The following UBXN6 variants were observed in gnomAD, a reference collection of about 807,000 sequenced individuals.
The protein encoded by UBXN6 is UBX domain-containing protein 6.
A neutral mutation model predicts 51.4 loss-of-function variants in UBXN6; 44 were observed. The ratio of observed to expected loss-of-function variants is 0.86; its 90% confidence interval spans 0.67 to 1.10. The LOEUF is 1.10. Among genes scored for constraint, UBXN6 ranks in the 50% least tolerant of loss-of-function variants. The pLI is 0.00. For synonymous variants in UBXN6, 316 were observed against 263.2 expected (o/e 1.20, Z -1.94); for missense variants, 672 against 596.1 (o/e 1.13, Z -1.32).
chr19:4,445,986 G>T, intron 10 of UBXN6, 63 bp downstream of exon 10: 1 of 1,538,006 alleles, frequency 6.5e-7, no homozygotes. Flanking sequence ...GGGTGTCTGT[G>T]CCGGTCCCAG....
At chr19:4,454,405 A>G (rs1974708569) in intron 1 of UBXN6, among the ~76,000 whole-genome samples, 2 of 152,150 alleles carry the variant, frequency 1.3e-5, no homozygotes, top group South Asian at 4.1e-4. Context: ...CCTGAGGTGA[A>G]GGCACCTTGA....
In UBXN6 at chr19:4,454,043, C is replaced by T. The variant is rs576544561; in HGVS notation, c.134G>A (p.Arg45His). ...CTGTGCCTCATTGGTGGGTCCCTGG[C>T]GGGGCGGCCTGGGGGCTGGCTGGTT... is the stretch of plus-strand genomic sequence containing the variant. Reference protein sequence around the residue: ...KPNQPAPRPPRQGPTNEAQMA... With the variant: ...KPNQPAPRPPHQGPTNEAQMA... Residue 45 changes from arginine (R) to histidine (H), a missense_variant, in exon 2 of 11, where the codon CGC becomes CAC. Arg to His is a conservative substitution (Grantham distance 29). Coordinates refer to ENST00000301281, the MANE Select transcript of UBXN6 (RefSeq NM_025241.3). 7.9e-5 allele frequency: 125 copies of T among 1,589,146 alleles called. No individual in the cohort carries two copies. In the South Asian group the frequency reaches 9.5e-4, roughly 12 times the overall value.
At chr19:4,455,815 C>A (rs1283854537) in intron 1 of UBXN6, among the ~76,000 whole-genome samples, 1 of 152,126 alleles carries the variant, frequency 6.6e-6, no homozygotes, top group Non-Finnish European at 1.5e-5. Context: ...GCAGATTTCC[C>A]CACAGCTGAG....
At chr19:4,445,767 C>T (rs527857170) in intron 10 of UBXN6, 144 bp from the exon 11 acceptor site, 4 of 1,350,262 alleles carry the variant, frequency 3.0e-6, no homozygotes, top group South Asian at 2.8e-5. Flanking sequence ...CCCAGGCCTC[C>T]TGCCCTCTCC....
chr19:4,455,108 C>T, intron 1 of UBXN6: 1 of 680,328 alleles, frequency 1.5e-6, no homozygotes, highest in Non-Finnish European at 1.8e-6. Context: ...AGTTCCGTAA[C>T]CCACGTGGCA....
At position 4,446,871 on chromosome 19, in the gene UBXN6, C is replaced by T. The variant is rs1974542760; in HGVS notation, c.665G>A (p.Gly222Glu). The change falls in exon 7 of 11, where the codon GGG (glycine) becomes GAG (glutamate). Residue 222 changes from glycine (G) to glutamate (E), a missense_variant. Gly to Glu is a moderately conservative substitution (Grantham distance 98). Transcript: ENST00000301281. ...EGTHEFFEAI[G>E]FQKVLLPAQD... is the part of the protein sequence containing the mutation. ...GGCGGGAAGCAACACCTTCTGGAAC[C>T]CAATGGCCTCAAAAAACTCGTGGGT... 6.2e-7 allele frequency: 1 copy of T among 1,613,956 alleles called. No homozygotes were observed. The highest frequency in any genetic ancestry group is 1.1e-5 in the South Asian group (1 of 91,094).
At position 4,446,030 on chromosome 19, in the gene UBXN6, C is replaced by T. The variant is rs1315794413; in HGVS notation, c.1200+19G>A. The T allele has an allele frequency of 6.3e-7, 1 of 1,599,936 alleles. No individual in the cohort carries two copies. Among genetic ancestry groups the T allele is most frequent in the South Asian group, 1.1e-5 (1 of 88,998 alleles). ...GCAGAGGCATCGGGTCAGCGGTGCT[C>T]CTGCGGGCCGACACTCACCAGCCCG... On this transcript the variant is annotated intron_variant, in intron 10 of 10. Coordinates refer to ENST00000301281, the MANE Select transcript of UBXN6 (RefSeq NM_025241.3).
intron 4 of UBXN6, chr19:4,450,197 C>A (rs1019479787): frequency 2.0e-5 from 3 of 148,102 alleles, no homozygotes; most frequent in African/African-American, 7.5e-5. Context: ...TGCACTCCAG[C>A]CTGGTGACAG....
rs539532262 is a variant in UBXN6 at position 4,456,144 on chromosome 19, G to A, written c.83+1471C>T. The stretch of plus-strand genomic sequence containing the variant: ...CTCCAACCTTCCCCTCTCCGCCCAG[G>A]CTCTGGGCTGATCCAGCCATCACCC... On this transcript the variant is annotated intron_variant, in intron 1 of 10. Transcript: ENST00000301281. 2.6e-5 allele frequency among the ~76,000 whole-genome samples: 4 copies of A among 151,774 alleles called. No individual in the cohort carries two copies. The South Asian group carries it at 8.4e-4, about 32-fold the overall frequency.
rs758407048 is a variant in UBXN6 at position 4,453,988 on chromosome 19, C to T, written c.189G>A (p.Leu63=). The T allele has an allele frequency of 1.9e-6, 3 of 1,610,882 alleles. No individual in the cohort carries two copies. The highest frequency in any genetic ancestry group is 2.5e-6 in the Non-Finnish European group (3 of 1,179,668). Residue 63 remains leucine, a synonymous_variant, in exon 2 of 11, where the codon CTG becomes CTA. Transcript: ENST00000301281. Reference sequence around the variant, plus strand: ...CCCAGGCCCGGGACTGCTTCTGCTCCAGCCGGGCTAGGGCGGCAGCGGCTG... The same window carrying T: ...CCCAGGCCCGGGACTGCTTCTGCTCTAGCCGGGCTAGGGCGGCAGCGGCTG... ...QMAAAAALAR[L]EQKQSRAWGP...
At chr19:4,455,189 C>G (rs1196540692) in intron 1 of UBXN6, 5 of 985,038 alleles carry the variant, frequency 5.1e-6, no homozygotes, top group Non-Finnish European at 6.0e-6. Flanking sequence ...CTGTCTCACC[C>G]GTCTCCTCTC....
chr19:4,457,879 T>C (rs1974765805), upstream of UBXN6: 8 of 393,336 alleles, frequency 2.0e-5, no homozygotes, highest in South Asian at 2.4e-4. Context: ...GACAATCGAC[T>C]AGACGTGCCT....
intron 5 of UBXN6, 153 bp from the exon 6 acceptor site, chr19:4,447,778 C>G: frequency 1.4e-6 from 1 of 737,106 alleles, no homozygotes; most frequent in East Asian, 2.7e-5. Flanking sequence ...CAGACCATCT[C>G]CGGGTGGAAG....
intron 10 of UBXN6, 27 bp from the exon 11 acceptor site, chr19:4,445,650 G>T (rs1160642791): frequency 6.2e-7 from 1 of 1,600,644 alleles, no homozygotes; most frequent in Non-Finnish European, 8.5e-7. Flanking sequence ...CCGTCACTCT[G>T]AGACCGAGAG....
chr19:4,449,625 C>T (rs934697943), intron 4 of UBXN6: 8 of 152,314 alleles, frequency 5.3e-5, no homozygotes, highest in African/African-American at 1.9e-4. Flanking sequence ...AAGCGGGCCT[C>T]GGGCGTTTTG....
chr19:4,453,376 C>T, intron 3 of UBXN6, 82 bp downstream of exon 3: 1 of 1,487,626 alleles, frequency 6.7e-7, no homozygotes, highest in Non-Finnish European at 9.2e-7. Flanking sequence ...GCCCCAAGGG[C>T]AGAGGCCACA....
At chr19:4,445,757 C>T in intron 10 of UBXN6, 134 bp from the exon 11 acceptor site, 3 of 1,409,766 alleles carry the variant, frequency 2.1e-6, no homozygotes, top group South Asian at 1.4e-5. Context: ...GTGGCTCGCA[C>T]CCAGGCCTCC....
At chr19:4,453,866 CCAGGCACCAG>C in intron 2 of UBXN6, 54 bp downstream of exon 2, 1 of 773,640 alleles carries the variant, frequency 1.3e-6, no homozygotes, top group Non-Finnish European at 1.6e-6. Flanking sequence ...GCATCCAGGG[CCAGGCACCAG>C]GGCCGAGAAC....
At position 4,446,275 on chromosome 19, in the gene UBXN6, G is replaced by A. The variant is rs763660126; in HGVS notation, c.1051+8C>T. 6.4e-7 allele frequency: 1 copy of A among 1,571,134 alleles called. No individual in the cohort carries two copies. The highest frequency in any genetic ancestry group is 8.6e-7 in the Non-Finnish European group (1 of 1,162,160). On this transcript the variant is annotated splice_region_variant and intron_variant, in intron 9 of 10. Transcript: ENST00000301281. ...GAGCCGCCCTCCACGGGCATCGTTG[G>A]TGCCCACCCTGCAGGAGGCAGCCAT...
Sources: gnomAD v4.1 joint callset for allele counts (sites outside exome capture counted in the v4.1 genomes callset) on GRCh38, gnomAD v4.1.1 for gene constraint, MANE v1.5 for transcripts, NCBI Gene and HGNC (gene_info 2026-07-23, HGNC 2026-07-21) for gene names.